Variants in UST observed in about 807,000 individuals in gnomAD.
UST encodes uronyl 2-sulfotransferase.
Under a neutral mutation model 45.6 loss-of-function variants are expected in UST, and 21 were observed. That is an observed-to-expected ratio of 0.46 (90% CI 0.33 to 0.66). The LOEUF is 0.66. UST is among the 30% of genes least tolerant of loss of function. The pLI is 0.02. For missense variants in UST, 463 were observed against 512.4 expected (o/e 0.90, Z 0.93); for synonymous variants, 215 against 200.6 (o/e 1.07, Z -0.61).
rs1420124190 is a variant in UST, at chr6:148,825,298, G to A, written c.248-61688G>A. Reference sequence around the variant, plus strand: ...AGGCTGAAGTTATTTTGCTGGGCAGGCTGTATTTAAATTGCTTGTTTGGCT... The same window carrying A: ...AGGCTGAAGTTATTTTGCTGGGCAGACTGTATTTAAATTGCTTGTTTGGCT... On this transcript the variant is annotated intron_variant, in intron 1 of 7. Coordinates refer to ENST00000367463, the MANE Select transcript of UST (RefSeq NM_005715.3). Among the ~76,000 whole-genome samples the A allele has an allele frequency of 2.6e-5, 4 of 152,182 alleles. No individual in the cohort carries two copies. In the East Asian group the frequency reaches 7.7e-4, roughly 29 times the overall value.
At chr6:148,775,204 ATTG>A (rs1776507435) in intron 1 of UST, among the ~76,000 whole-genome samples, 3 of 152,040 alleles carry the variant, frequency 2.0e-5, no homozygotes, top group Admixed American at 2.0e-4. Context: ...TCTTGTATTT[ATTG>A]TTCTCTGCCA....
chr6:148,857,244 C>G (rs968929358), intron 1 of UST, among the ~76,000 whole-genome samples: 5 of 152,138 alleles, frequency 3.3e-5, no homozygotes, highest in East Asian at 1.9e-4. Context: ...CACAGCTACT[C>G]TCACGGTCAG....
chr6:148,907,372 C>T (rs1304317809), intron 2 of UST, among the ~76,000 whole-genome samples: 1 of 152,096 alleles, frequency 6.6e-6, no homozygotes, highest in African/African-American at 2.4e-5. Context: ...TAGAGGTGTA[C>T]TTATACTAAA....
At chr6:149,020,207 T>C (rs1775958498) in intron 6 of UST, among the ~76,000 whole-genome samples, 1 of 152,244 alleles carries the variant, frequency 6.6e-6, no homozygotes, top group Admixed American at 6.5e-5. Flanking sequence ...TCTTGTTTCA[T>C]TTGCCATAAC....
chr6:148,882,166 G>A (rs1263972202), intron 1 of UST, among the ~76,000 whole-genome samples: 1 of 152,100 alleles, frequency 6.6e-6, no homozygotes, highest in African/African-American at 2.4e-5. Context: ...TCCTTTATGT[G>A]CACAGAAAGA....
chr6:148,920,431 C>T (rs777993886), intron 2 of UST, among the ~76,000 whole-genome samples: 18 of 152,174 alleles, frequency 1.2e-4, no homozygotes, highest in Admixed American at 4.6e-4. Flanking sequence ...CCTGCTTCAC[C>T]CTCTTCTGAT....
At chr6:149,061,332 G>A (rs898326167) in intron 7 of UST, among the ~76,000 whole-genome samples, 2 of 152,172 alleles carry the variant, frequency 1.3e-5, no homozygotes, top group East Asian at 3.8e-4. Flanking sequence ...GGGACTTTTA[G>A]GAGTACTGAA....
intron 2 of UST, among the ~76,000 whole-genome samples, chr6:148,909,990 T>G (rs1246448931): frequency 1.3e-5 from 2 of 152,132 alleles, no homozygotes; most frequent in East Asian, 1.9e-4. Context: ...GCATTGTTTT[T>G]GGGGAAGAAG....
At position 148,830,128 on chromosome 6, in the gene UST, C is replaced by G. The variant is rs80210913; in HGVS notation, c.248-56858C>G. Among the ~76,000 whole-genome samples the G allele has an allele frequency of 4.7e-3, 709 of 152,184 alleles. 4 individuals carry two copies. The highest frequency in any genetic ancestry group is 0.016 in the African/African-American group (675 of 41,536). ...AGGTAATTGGAGAAACCAATACCTC[C>G]CTAAAATAGTTCCCTTAATAGAGTG... On this transcript the variant is annotated intron_variant, in intron 1 of 7. Coordinates refer to ENST00000367463, the MANE Select transcript of UST (RefSeq NM_005715.3).
intron 5 of UST, among the ~76,000 whole-genome samples, chr6:148,971,275 C>T (rs950079856): frequency 2.0e-5 from 3 of 152,022 alleles, no homozygotes; most frequent in Non-Finnish European, 4.4e-5. Context: ...ATCCGTCATT[C>T]GTTCATTCAC....
intron 3 of UST, among the ~76,000 whole-genome samples, chr6:148,953,389 A>G (rs1299341634): frequency 1.3e-5 from 2 of 152,216 alleles, no homozygotes; most frequent in Admixed American, 6.5e-5. Flanking sequence ...AGGACTATCA[A>G]TTTGGATAGC....
At chr6:148,816,787 T>G (rs1190955579) in intron 1 of UST, among the ~76,000 whole-genome samples, 1 of 152,238 alleles carries the variant, frequency 6.6e-6, no homozygotes, top group Non-Finnish European at 1.5e-5. Flanking sequence ...ATTTAAAATT[T>G]TTTTTCAACA....
chr6:148,788,009 T>G (rs113015584), intron 1 of UST, among the ~76,000 whole-genome samples: 3 of 152,194 alleles, frequency 2.0e-5, no homozygotes, highest in Non-Finnish European at 2.9e-5. Context: ...GATAAAGATG[T>G]ACCCGAGACT....
At chr6:148,869,189 G>A (rs1778503555) in intron 1 of UST, among the ~76,000 whole-genome samples, 1 of 152,142 alleles carries the variant, frequency 6.6e-6, no homozygotes. Context: ...CTATTTGTTT[G>A]GCTTTGGTGT....
At chr6:149,043,206 C>T (rs1776350346) in intron 7 of UST, among the ~76,000 whole-genome samples, 1 of 151,394 alleles carries the variant, frequency 6.6e-6, no homozygotes, top group Admixed American at 6.6e-5. Flanking sequence ...CCTCTTGGGA[C>T]CAAATTCTGT....
intron 1 of UST, among the ~76,000 whole-genome samples, chr6:148,875,564 A>G (rs2114822402): frequency 6.6e-6 from 1 of 152,362 alleles, no homozygotes; most frequent in South Asian, 2.1e-4. Flanking sequence ...GCATTTTGGG[A>G]GACTGAAGTG....
At chr6:148,909,390 G>A (rs961532282) in intron 2 of UST, among the ~76,000 whole-genome samples, 5 of 152,128 alleles carry the variant, frequency 3.3e-5, no homozygotes, top group Non-Finnish European at 5.9e-5. Flanking sequence ...GCTCAGATAC[G>A]GTCATGGTTT....
At chr6:149,065,005 C>A (rs1359794007) in intron 7 of UST, among the ~76,000 whole-genome samples, 1 of 152,076 alleles carries the variant, frequency 6.6e-6, no homozygotes, top group Non-Finnish European at 1.5e-5. Flanking sequence ...TCGTCTCTTT[C>A]TTTTAAAATG....
At chr6:148,806,778 G>A (rs112343890) in intron 1 of UST, among the ~76,000 whole-genome samples, 74 of 152,186 alleles carry the variant, frequency 4.9e-4, no homozygotes, top group Non-Finnish European at 2.1e-4. Context: ...ATCAAAACAC[G>A]GCAGAAGGCA....
Sources: gnomAD v4.1 joint callset for allele counts (sites outside exome capture counted in the v4.1 genomes callset) on GRCh38, gnomAD v4.1.1 for gene constraint, MANE v1.5 for transcripts, NCBI Gene and HGNC (gene_info 2026-07-23, HGNC 2026-07-21) for gene names.